MLH3: variants seen among roughly 807,000 people sequenced by gnomAD.
MLH3 encodes the protein DNA mismatch repair protein Mlh3.
Under a neutral mutation model 122.2 loss-of-function variants are expected in MLH3, and 82 were observed. The ratio of observed to expected loss-of-function variants is 0.67; its 90% CI spans 0.56 to 0.81. MLH3 has a LOEUF of 0.81. MLH3 is among the 30% of genes least tolerant of loss of function. The probability of loss-of-function intolerance (pLI) is 0.00; values close to 1 mark genes in which losing one functional copy is unlikely to be tolerated. For synonymous variants in MLH3, 524 were observed against 599.5 expected (o/e 0.87, Z 1.84); for missense variants, 1,539 against 1,714.5 (o/e 0.90, Z 1.81).
At position 75,049,124 on chromosome 14, in the gene MLH3, G is replaced by C. The variant is rs1892483144; in HGVS notation, c.532C>G (p.Leu178Val). The C allele has an allele frequency of 3.1e-6, 5 of 1,614,180 alleles. No homozygotes were observed. Among genetic ancestry groups the C allele is most frequent in the Non-Finnish European group, 4.2e-6 (5 of 1,180,030 alleles). ...FEKVRQRIEA[L>V]SLMHPSISFS... ...GAAATGGAAGGGTGCATGAGTGAGA[G>C]AGCTTCTATTCTCTGCCTAACCTTC... The change falls in exon 2 of 13, where the codon CTC becomes GTC. Residue 178 changes from leucine to valine, a missense_variant. Physicochemically the swap from Leu to Val is conservative, Grantham distance 32. Transcript: ENST00000355774.
rs558393444 is a variant in MLH3 at position 75,048,512 on chromosome 14, C to T, written c.1144G>A (p.Val382Met). 1 of 1,613,302 alleles carries T rather than the reference C, an allele frequency of 6.2e-7. No homozygotes were observed. Among genetic ancestry groups the T allele is most frequent in the South Asian group, 1.1e-5 (1 of 90,860 alleles). The change falls in exon 2 of 13, where the codon GTG (valine) becomes ATG (methionine). Residue 382 changes from valine (V) to methionine (M), a missense_variant. By Grantham distance (21) the Val-to-Met change is conservative. Coordinates refer to ENST00000355774, the MANE Select transcript of MLH3 (RefSeq NM_001040108.2). ...SLFDATLQKR[V>M]TSDERSNFQE... Reference sequence around the variant, plus strand: ...AAATTGCTCCTCTCATCGGAAGTCACACGCTTCTGAAGAGTAGCATCAAAT... The same window carrying T: ...AAATTGCTCCTCTCATCGGAAGTCATACGCTTCTGAAGAGTAGCATCAAAT...
At chr14:75,037,903 T>C (rs903660419) in intron 6 of MLH3, among the ~76,000 whole-genome samples, 6 of 152,210 alleles carry the variant, frequency 3.9e-5, no homozygotes, top group Admixed American at 6.5e-5. Flanking sequence ...ATCCTGAGTA[T>C]ATGTATGTGT....
Position 75,049,210 on chromosome 14 carries a change from T to G in MLH3, c.446A>C (p.Tyr149Ser). 6.2e-7 allele frequency: 1 copy of G among 1,614,218 alleles called. No individual in the cohort carries two copies. The highest frequency in any genetic ancestry group is 2.2e-5 in the East Asian group (1 of 44,892). The change falls in exon 2 of 13, where the codon TAT becomes TCT. Residue 149 changes from tyrosine (Y) to serine (S), a missense_variant. Transcript: ENST00000355774. ...TACAGGAAGCTGGTAAAATAGGTTA[T>G]ACACTGTTACAGTAGTCCCAGCGCT... ...RASAGTTVTV[Y>S]NLFYQLPVRR...
chr14:75,038,268 C>A lies in MLH3; in HGVS notation c.3643+72G>T, dbSNP rs1415552902. The stretch of plus-strand genomic sequence containing the variant: ...AAATCATTGAAACTATATTATATAC[C>A]AAAAATAATCATTAAAAAAAGGTTA... On this transcript the variant is annotated intron_variant, in intron 6 of 12. Transcript: ENST00000355774. 4 of 1,043,726 alleles carry A rather than the reference C, an allele frequency of 3.8e-6. No individual in the cohort carries two copies. The South Asian group carries it at 5.0e-5, about 13-fold the overall frequency. The allele number at this position is 1,043,726 out of a possible 1,614,324, so 64.7% of individuals were successfully genotyped here. A position where few individuals can be genotyped will look rare whatever the true frequency, so the allele number is the denominator to read the frequency against.
chr14:75,042,280 A>G, intron 3 of MLH3, 99 bp downstream of exon 3: 1 of 984,132 alleles, frequency 1.0e-6, no homozygotes, highest in Non-Finnish European at 1.6e-6. Flanking sequence ...CCAGTACAGC[A>G]CAGCTGGCAC....
intron 9 of MLH3, among the ~76,000 whole-genome samples, chr14:75,027,687 A>AAAAC (rs1890741052): frequency 2.0e-5 from 3 of 147,592 alleles, no homozygotes; most frequent in African/African-American, 7.5e-5. Context: ...AAAAAAAAAA[A>AAAAC]AAAAAAACCC....
At chr14:75,040,449 C>CAAAAAAAAAAAAATAAAAA (rs1891763886) in intron 4 of MLH3, among the ~76,000 whole-genome samples, 1 of 35,590 alleles carries the variant, frequency 2.8e-5, no homozygotes, top group Non-Finnish European at 5.0e-5. Context: ...GACTCTGTCA[C>CAAAAAAAAAAAAATAAAAA]AAAAAAAAAA....
Position 75,048,003 on chromosome 14 carries a change from T to C in MLH3, c.1653A>G (p.Pro551=). 6.2e-7 allele frequency: 1 copy of C among 1,613,896 alleles called. No homozygotes were observed. Among genetic ancestry groups the C allele is most frequent in the Non-Finnish European group, 8.5e-7 (1 of 1,179,958 alleles). The change falls in exon 2 of 13, where the codon CCA becomes CCG. Residue 551 remains proline (P), a synonymous_variant. Coordinates refer to ENST00000355774, the MANE Select transcript of MLH3 (RefSeq NM_001040108.2). ...CTTCAGTAGCATCTTTAAATCTCTT[T>C]GGTTGATTCTGAATTCTATTATTTT... The part of the protein sequence containing the change: ...ILKNNRIQNQ[P]KRFKDATEVG...
intron 9 of MLH3, among the ~76,000 whole-genome samples, chr14:75,028,865 T>G (rs1890836564): frequency 6.6e-6 from 1 of 151,506 alleles, no homozygotes; most frequent in South Asian, 2.1e-4. Context: ...AAAGAAAATG[T>G]TGGCCAGGCG....
intron 1 of MLH3, among the ~76,000 whole-genome samples, chr14:75,050,378 T>C (rs1171872711): frequency 1.3e-5 from 2 of 152,208 alleles, no homozygotes; most frequent in Non-Finnish European, 2.9e-5. Context: ...CCTGTTCATG[T>C]ATTACTCTGA....
At position 75,016,976 on chromosome 14, in the gene MLH3, CTG is replaced by C. The variant is rs1355070534; in HGVS notation, c.*104_*105del. The C allele has an allele frequency of 2.2e-6, 3 of 1,375,260 alleles. No individual in the cohort carries two copies. Among genetic ancestry groups the C allele is most frequent in the African/African-American group, 1.4e-5 (1 of 70,252 alleles). 85.2% of individuals were successfully genotyped at this position (1,375,260 alleles called of 1,614,324 possible). On this transcript the variant is annotated 3_prime_UTR_variant, in exon 13 of 13. Coordinates refer to ENST00000355774, the MANE Select transcript of MLH3 (RefSeq NM_001040108.2). Reference sequence around the variant, plus strand: ...CTGCTGTCTAAGCTGCTCAGGGACACTGGGCTGATTCAGTCAGGGCCGTGCTG... The same window carrying C: ...CTGCTGTCTAAGCTGCTCAGGGACACGGCTGATTCAGTCAGGGCCGTGCTG...
At chr14:75,020,749 G>A (rs1890219888) in intron 11 of MLH3, 2 of 152,122 alleles carry the variant, frequency 1.3e-5, no homozygotes, top group Non-Finnish European at 2.9e-5. Context: ...CCCTGCTCAA[G>A]AACCCTCAAT....
chr14:75,017,044 A>T lies in MLH3; in HGVS notation c.*38T>A. Reference sequence around the variant, plus strand: ...GCTCTCTGCTCAGAGGCATACAGTGAACATCCCTTTGTTCCTTTTAGACCA... The same window carrying T: ...GCTCTCTGCTCAGAGGCATACAGTGTACATCCCTTTGTTCCTTTTAGACCA... On this transcript the variant is annotated 3_prime_UTR_variant, in exon 13 of 13. Transcript: ENST00000355774. 1 of 1,610,502 alleles carries T rather than the reference A, an allele frequency of 6.2e-7. No individual in the cohort carries two copies. Among genetic ancestry groups the T allele is most frequent in the Non-Finnish European group, 8.5e-7 (1 of 1,177,668 alleles).
Position 75,039,893 on chromosome 14 carries a change from T to C in MLH3, c.3570+18A>G. On this transcript the variant is annotated intron_variant, in intron 5 of 12. Transcript: ENST00000355774. ...TATATATATATATATTTATGAGATT[T>C]TGAAGTTAATCTTTTACCTGCATTG... is the stretch of plus-strand genomic sequence containing the variant. 1 of 823,794 alleles carries C rather than the reference T, an allele frequency of 1.2e-6. No individual in the cohort carries two copies. The highest frequency in any genetic ancestry group is 1.9e-6 in the Non-Finnish European group (1 of 526,934). The allele number at this position is 823,794 out of a possible 1,614,324, so 51.0% of individuals were successfully genotyped here.
At chr14:75,034,976 T>G (rs953025560) in intron 6 of MLH3, among the ~76,000 whole-genome samples, 1 of 139,554 alleles carries the variant, frequency 7.2e-6, no homozygotes, top group Non-Finnish European at 1.5e-5. Context: ...GGCAGAAGAA[T>G]TCCTTGAACT....
At position 75,047,168 on chromosome 14, in the gene MLH3, A is replaced by G. The variant is rs1892298729; in HGVS notation, c.2488T>C (p.Phe830Leu). 6.2e-7 allele frequency: 1 copy of G among 1,614,156 alleles called. No homozygotes were observed. The part of the protein sequence containing the change: ...PASHILNSEK[F>L]PFSKDEDCLE... ...CAATCTTCATCCTTGGAGAATGGAA[A>G]CTTCTCTGAGTTAAGGATGTGGCTT... The change falls in exon 2 of 13, where the codon TTT becomes CTT. Residue 830 changes from phenylalanine to leucine, a missense_variant. Physicochemically the swap from Phe to Leu is conservative, Grantham distance 22. Coordinates refer to ENST00000355774, the MANE Select transcript of MLH3 (RefSeq NM_001040108.2).
intron 9 of MLH3, among the ~76,000 whole-genome samples, chr14:75,028,779 T>C (rs28687415): frequency 0.55 from 83,078 of 151,698 alleles, 23,225 homozygotes; most frequent in East Asian, 0.85. Flanking sequence ...ACCAATAATA[T>C]AAACAGTTGA....
chr14:75,037,773 C>T (rs564036918), intron 6 of MLH3, among the ~76,000 whole-genome samples: 6 of 151,494 alleles, frequency 4.0e-5, no homozygotes, highest in Admixed American at 1.3e-4. Context: ...GGCAATATAG[C>T]GAGACCCCGT....
intron 6 of MLH3, among the ~76,000 whole-genome samples, chr14:75,035,479 A>G (rs967664969): frequency 6.6e-5 from 10 of 152,124 alleles, no homozygotes; most frequent in Admixed American, 2.6e-4. Context: ...CTGAGATTGC[A>G]CCATTGCACT....
Sources: gnomAD v4.1 joint callset for allele counts (sites outside exome capture counted in the v4.1 genomes callset) on GRCh38, gnomAD v4.1.1 for gene constraint, MANE v1.5 for transcripts, NCBI Gene and HGNC (gene_info 2026-07-23, HGNC 2026-07-21) for gene names.